AGAP1: variants seen among roughly 807,000 people sequenced by gnomAD.
AGAP1 encodes the protein arf-GAP with GTPase, ANK repeat and PH domain-containing protein 1.
In AGAP1, 29 loss-of-function variants were observed where a neutral mutation model predicts 105.3. That is an observed-to-expected ratio of 0.28 (90% CI 0.21 to 0.38). The LOEUF (loss-of-function observed/expected upper bound fraction) is 0.38. AGAP1 is among the 10% of genes least tolerant of loss of function. AGAP1 has a pLI of 1.00. For missense variants in AGAP1, 998 were observed against 1,165.1 expected (o/e 0.86, Z 2.09); for synonymous variants, 509 against 485.9 (o/e 1.05, Z -0.63).
intron 1 of AGAP1, among the ~76,000 whole-genome samples, chr2:235,516,623 G>T (rs542109277): frequency 3.3e-5 from 5 of 152,172 alleles, no homozygotes; most frequent in Admixed American, 1.3e-4. Flanking sequence ...CGTTCTCTGG[G>T]ACCCGGCAGG....
chr2:235,956,201 C>T (rs1216098722), intron 12 of AGAP1, among the ~76,000 whole-genome samples: 2 of 152,124 alleles, frequency 1.3e-5, no homozygotes, highest in Admixed American at 6.5e-5. Flanking sequence ...TGGGGAGAAG[C>T]GGGAATCTCT....
rs770338821 is a variant in AGAP1 at position 235,717,598 on chromosome 2, G to C, written c.264G>C (p.Val88=). The change falls in exon 3 of 18, where the codon GTG becomes GTC. Residue 88 remains valine (V), a synonymous_variant. Coordinates refer to ENST00000304032, the MANE Select transcript of AGAP1 (RefSeq NM_001037131.3). ...TGGCCAGCGGCAAGTCTGCCCTGGT[G>C]CACCGGTACCTGACGGGCACATATG... ...GNLASGKSAL[V]HRYLTGTYVQ... The C allele has an allele frequency of 1.9e-6, 3 of 1,604,712 alleles. No homozygotes were observed. Among genetic ancestry groups the C allele is most frequent in the South Asian group, 2.3e-5 (2 of 88,704 alleles).
intron 6 of AGAP1, among the ~76,000 whole-genome samples, chr2:235,771,955 G>A (rs1393357692): frequency 4.6e-5 from 7 of 151,404 alleles, no homozygotes; most frequent in Non-Finnish European, 5.9e-5. Flanking sequence ...GCAATGTTCC[G>A]GAGCTGACAT....
rs1483322620 is a variant in AGAP1, at chr2:235,639,369, G to A, written c.164-69810G>A. Among the ~76,000 whole-genome samples, 1 of 152,140 alleles carries A rather than the reference G, an allele frequency of 6.6e-6. No individual in the cohort carries two copies. The highest frequency in any genetic ancestry group is 2.4e-5 in the African/African-American group (1 of 41,436). On this transcript the variant is annotated intron_variant, in intron 1 of 17. Transcript: ENST00000304032. This position sits in a 1 kb window ranked among gnomAD's most constrained non-coding sequence, Gnocchi z 5.3. ...GGTGGGTGAGCTCACCCAGGACCAC[G>A]GTGTGGCCTGAGAAGTCGGCCTGCG...
At chr2:235,727,152 G>C (rs1300969386) in intron 3 of AGAP1, among the ~76,000 whole-genome samples, 2 of 152,182 alleles carry the variant, frequency 1.3e-5, no homozygotes, top group African/African-American at 4.8e-5. Flanking sequence ...CAGGTTGGAG[G>C]GGATGTTTTG....
In AGAP1 at chr2:236,050,362, T is replaced by C. The variant is rs2057860179; in HGVS notation, c.2114+1081T>C. On this transcript the variant is annotated intron_variant, in intron 16 of 17. Coordinates refer to ENST00000304032, the MANE Select transcript of AGAP1 (RefSeq NM_001037131.3). This position sits in a 1 kb window ranked among gnomAD's most constrained non-coding sequence, Gnocchi z 4.0. ...TCTGGCTCTCCGTATGAGGGATTCT[T>C]TGGTAGTGGGGAGGACAGGAAAGGT... 3.3e-5 allele frequency among the ~76,000 whole-genome samples: 5 copies of C among 152,174 alleles called. No individual in the cohort carries two copies. The South Asian group carries it at 8.3e-4, about 25-fold the overall frequency.
intron 1 of AGAP1, among the ~76,000 whole-genome samples, chr2:235,694,022 G>A (rs1382365958): frequency 6.6e-6 from 1 of 152,168 alleles, no homozygotes; most frequent in Non-Finnish European, 1.5e-5. Flanking sequence ...TTATCTTGAA[G>A]TCTAGTGATT....
At chr2:235,589,887 CT>C (rs984989659) in intron 1 of AGAP1, among the ~76,000 whole-genome samples, 55 of 144,970 alleles carry the variant, frequency 3.8e-4, no homozygotes, top group Non-Finnish European at 3.4e-4. Flanking sequence ...AGTTATTTTC[CT>C]TTTTTTTTTT....
rs1330237874 is a variant in AGAP1 at position 236,050,036 on chromosome 2, T to TAGGA, written c.2114+758_2114+761dup. 6.6e-6 allele frequency among the ~76,000 whole-genome samples: 1 copy of TAGGA among 152,152 alleles called. No individual in the cohort carries two copies. The highest frequency in any genetic ancestry group is 2.4e-5 in the African/African-American group (1 of 41,434). On this transcript the variant is annotated intron_variant, in intron 16 of 17. Coordinates refer to ENST00000304032, the MANE Select transcript of AGAP1 (RefSeq NM_001037131.3). The surrounding 1 kb of genome is among the most constrained non-coding windows in gnomAD (Gnocchi z 4.0). ...CAGGGTTGCTCATTTTCACCCACAA[T>TAGGA]AGGAAGTGGGAGGTTGAGGTTTGCT...
chr2:235,703,424 C>G (rs867015775), intron 1 of AGAP1, among the ~76,000 whole-genome samples: 4 of 152,040 alleles, frequency 2.6e-5, no homozygotes, highest in South Asian at 2.1e-4. Context: ...AATCCTACCC[C>G]CAAAGGTAAT....
intron 6 of AGAP1, among the ~76,000 whole-genome samples, chr2:235,760,839 CAGCCTTCCAA>C (rs1193242399): frequency 2.6e-5 from 4 of 152,228 alleles, no homozygotes; most frequent in Non-Finnish European, 4.4e-5. Context: ...CCTCCTGTCT[CAGCCTTCCAA>C]AGTGTGATGG....
At chr2:235,838,888 A>G (rs1235363413) in intron 9 of AGAP1, among the ~76,000 whole-genome samples, 1 of 152,216 alleles carries the variant, frequency 6.6e-6, no homozygotes, top group Non-Finnish European at 1.5e-5. Context: ...AGTGAACACA[A>G]CTTTTTGGAC....
chr2:235,692,252 C>T lies in AGAP1; in HGVS notation c.164-16927C>T, dbSNP rs1372169290. ...ATGTAGATATGCCCGCTGCCTTGCA[C>T]CTGTTCCTCTGGCCTCGCCTCTGTA... On this transcript the variant is annotated intron_variant, in intron 1 of 17. Coordinates refer to ENST00000304032, the MANE Select transcript of AGAP1 (RefSeq NM_001037131.3). This position sits in a 1 kb window ranked among gnomAD's most constrained non-coding sequence, Gnocchi z 5.8. 1.3e-5 allele frequency among the ~76,000 whole-genome samples: 2 copies of T among 152,138 alleles called. No homozygotes were observed. Among genetic ancestry groups the T allele is most frequent in the African/African-American group, 2.4e-5 (1 of 41,434 alleles).
rs997664590 is a variant in AGAP1, at chr2:236,001,530, C to T, written c.1645+32907C>T. Among the ~76,000 whole-genome samples, 1 of 152,054 alleles carries T rather than the reference C, an allele frequency of 6.6e-6. No individual in the cohort carries two copies. The highest frequency in any genetic ancestry group is 1.5e-5 in the Non-Finnish European group (1 of 68,012). ...TGACAGTGGCTTCCCCAGGCATCAG[C>T]GCCACAGGAGGAGAGACACAGACTG... On this transcript the variant is annotated intron_variant, in intron 13 of 17. Transcript: ENST00000304032. The surrounding 1 kb of genome is among the most constrained non-coding windows in gnomAD (Gnocchi z 4.7).
intron 12 of AGAP1, among the ~76,000 whole-genome samples, chr2:235,942,122 G>A (rs1328115203): frequency 2.0e-5 from 3 of 152,138 alleles, no homozygotes; most frequent in Non-Finnish European, 4.4e-5. Context: ...GGGAAGAGAG[G>A]AATGTGATTT....
chr2:235,506,220 T>C (rs1941802206), intron 1 of AGAP1, among the ~76,000 whole-genome samples: 1 of 151,612 alleles, frequency 6.6e-6, no homozygotes, highest in African/African-American at 2.4e-5. Context: ...CATGAGCCAC[T>C]GTGCCCGGCC....
Position 236,101,949 on chromosome 2 carries a change from C to T in AGAP1, c.2115-18243C>T, listed in dbSNP as rs978568569. Reference sequence around the variant, plus strand: ...CTATGTTTCTGTGCAAACATACTCACACACAGTTTCCAAATGAAGTCACAA... The same window carrying T: ...CTATGTTTCTGTGCAAACATACTCATACACAGTTTCCAAATGAAGTCACAA... On this transcript the variant is annotated intron_variant, in intron 16 of 17. Coordinates refer to ENST00000304032, the MANE Select transcript of AGAP1 (RefSeq NM_001037131.3). The surrounding 1 kb of genome is among the most constrained non-coding windows in gnomAD (Gnocchi z 4.9). Among the ~76,000 whole-genome samples the T allele has an allele frequency of 2.6e-5, 4 of 152,202 alleles. 1 individual carries two copies. The highest frequency in any genetic ancestry group is 4.1e-4 in the South Asian group (2 of 4,834).
chr2:235,971,545 A>G lies in AGAP1; in HGVS notation c.1645+2922A>G, dbSNP rs2054641835. Reference sequence around the variant, plus strand: ...GAAACCCCGTCTCTACTAAAAATACAAAAATTAGCTGGGCATGGTGGCAGG... The same window carrying G: ...GAAACCCCGTCTCTACTAAAAATACGAAAATTAGCTGGGCATGGTGGCAGG... On this transcript the variant is annotated intron_variant, in intron 13 of 17. Transcript: ENST00000304032. The surrounding 1 kb of genome is among the most constrained non-coding windows in gnomAD (Gnocchi z 4.8). 6.6e-6 allele frequency among the ~76,000 whole-genome samples: 1 copy of G among 151,930 alleles called. No individual in the cohort carries two copies. The highest frequency in any genetic ancestry group is 1.5e-5 in the Non-Finnish European group (1 of 67,954).
intron 6 of AGAP1, among the ~76,000 whole-genome samples, chr2:235,796,088 G>T (rs993218352): frequency 4.6e-5 from 7 of 152,270 alleles, no homozygotes; most frequent in Middle Eastern, 3.4e-3. Context: ...AAGTCAGTGT[G>T]GCCATCCAGC....
Sources: gnomAD v4.1 joint callset for allele counts (sites outside exome capture counted in the v4.1 genomes callset) on GRCh38, gnomAD v4.1.1 for gene constraint, Gnocchi (gnomAD v3.1) non-coding constraint, MANE v1.5 for transcripts, NCBI Gene and HGNC (gene_info 2026-07-23, HGNC 2026-07-21) for gene names.